The following VGLL1 variants were observed in gnomAD, a reference collection of about 807,000 sequenced individuals.
VGLL1 encodes transcription cofactor vestigial-like protein 1.
VGLL1 carries 4 observed loss-of-function variants against 12.0 expected under a neutral mutation model. The ratio of observed to expected loss-of-function variants is 0.33; its 90% confidence interval spans 0.16 to 0.76. The LOEUF (loss-of-function observed/expected upper bound fraction) is 0.76. Among genes scored for constraint, VGLL1 ranks in the 30% least tolerant of loss-of-function variants. The probability of loss-of-function intolerance (pLI) is 0.60; values close to 1 mark genes in which losing one functional copy is unlikely to be tolerated. For synonymous variants in VGLL1, 87 were observed against 81.2 expected (o/e 1.07, Z -0.39); for missense variants, 204 against 208.7 (o/e 0.98, Z 0.14).
At chrX:136,545,103 A>G (rs1391289751) in intron 2 of VGLL1, among the ~76,000 whole-genome samples, 1 of 112,341 alleles carries the variant, frequency 8.9e-6, no homozygotes, top group Non-Finnish European at 1.9e-5. Flanking sequence ...TTTTACATGG[A>G]TGGTCTCATT....
chrX:136,545,942 T>C (rs2075868574), intron 2 of VGLL1, among the ~76,000 whole-genome samples: 1 of 111,479 alleles, frequency 9.0e-6, no homozygotes, highest in Non-Finnish European at 1.9e-5. Context: ...ACCAACAGCA[T>C]CAGGAATTCT....
chrX:136,554,235 C>A (rs943485506), intron 4 of VGLL1, among the ~76,000 whole-genome samples: 1 of 111,124 alleles, frequency 9.0e-6, no homozygotes, highest in African/African-American at 3.3e-5. Context: ...ATAAAGTGTT[C>A]AAAGGAGGCC....
intron 2 of VGLL1, among the ~76,000 whole-genome samples, chrX:136,544,931 G>A (rs1056992297): frequency 2.7e-5 from 3 of 112,025 alleles, no homozygotes; most frequent in Non-Finnish European, 5.6e-5. Flanking sequence ...TAGGCCTCAT[G>A]CATTAATGAC....
chrX:136,535,706 A>G (rs2075837798), intron 1 of VGLL1, among the ~76,000 whole-genome samples: 4 of 111,132 alleles, frequency 3.6e-5, no homozygotes, highest in Admixed American at 2.9e-4. Flanking sequence ...CCACCTCCCC[A>G]TTTCCTGATG....
intron 4 of VGLL1, among the ~76,000 whole-genome samples, chrX:136,553,957 T>C (rs1410138926): frequency 8.9e-6 from 1 of 112,412 alleles, no homozygotes; most frequent in African/African-American, 3.2e-5. Context: ...TCGGTAGAAA[T>C]AGACATACTG....
intron 2 of VGLL1, among the ~76,000 whole-genome samples, chrX:136,548,361 CA>C (rs1220664397): frequency 9.0e-6 from 1 of 111,344 alleles, no homozygotes; most frequent in African/African-American, 3.3e-5. Flanking sequence ...GCTTGAATAA[CA>C]ATATATGTTG....
At chrX:136,555,126 G>A (rs1301673844) in intron 4 of VGLL1, among the ~76,000 whole-genome samples, 1 of 112,205 alleles carries the variant, frequency 8.9e-6, no homozygotes, top group African/African-American at 3.2e-5. Context: ...CCAGGGCAGT[G>A]TGGTACATAA....
chrX:136,544,249 G>C (rs1051864923), intron 2 of VGLL1, among the ~76,000 whole-genome samples: 1 of 112,047 alleles, frequency 8.9e-6, no homozygotes, highest in African/African-American at 3.2e-5. Flanking sequence ...CTAATCTTTC[G>C]CTATATTATA....
intron 1 of VGLL1, 105 bp from the exon 2 acceptor site, chrX:136,535,891 T>A: frequency 3.2e-6 from 2 of 626,942 alleles, no homozygotes; most frequent in Non-Finnish European, 5.0e-6. Flanking sequence ...TGAGCACGTG[T>A]ACCTGGTGGG....
intron 4 of VGLL1, among the ~76,000 whole-genome samples, chrX:136,553,620 T>G: frequency 8.9e-6 from 1 of 112,711 alleles, no homozygotes. Flanking sequence ...CCTCATGTTT[T>G]ATTCTTTATA....
At chrX:136,550,501 T>G (rs764610595) in intron 3 of VGLL1, 1 of 287,885 alleles carries the variant, frequency 3.5e-6, no homozygotes, top group East Asian at 6.5e-5. Flanking sequence ...GCTCTACTCA[T>G]GTTGACATGA....
intron 1 of VGLL1, among the ~76,000 whole-genome samples, chrX:136,535,201 G>A (rs2075836221): frequency 9.0e-6 from 1 of 111,523 alleles, no homozygotes. Context: ...CCAAGTTTAG[G>A]GCAGTTCAAT....
chrX:136,553,691 T>C (rs1430598763), intron 4 of VGLL1, among the ~76,000 whole-genome samples: 1 of 112,248 alleles, frequency 8.9e-6, no homozygotes, highest in East Asian at 2.8e-4. Flanking sequence ...AAATTTAGGT[T>C]GTTCTGAAAG....
intron 2 of VGLL1, among the ~76,000 whole-genome samples, chrX:136,543,909 G>A (rs755733206): frequency 8.9e-6 from 1 of 112,235 alleles, no homozygotes; most frequent in African/African-American, 3.2e-5. Context: ...GGAGCTTCAC[G>A]TGTCAAGTGG....
intron 2 of VGLL1, among the ~76,000 whole-genome samples, chrX:136,537,709 G>A (rs1482648544): frequency 3.6e-5 from 4 of 109,759 alleles, no homozygotes; most frequent in Non-Finnish European, 7.6e-5. Flanking sequence ...ACAGGTATGC[G>A]CCACCACACC....
chrX:136,536,329 T>A, intron 2 of VGLL1, 95 bp downstream of exon 2: 2 of 917,866 alleles, frequency 2.2e-6, no homozygotes, highest in South Asian at 2.3e-5. Flanking sequence ...TGGACACTTA[T>A]ATGTTTGCTA....
intron 4 of VGLL1, among the ~76,000 whole-genome samples, chrX:136,553,887 T>C (rs768899553): frequency 8.9e-6 from 1 of 112,235 alleles, no homozygotes; most frequent in South Asian, 3.7e-4. Context: ...AAAGACATTC[T>C]GGAGGTTAGT....
chrX:136,544,289 A>AT (rs1285539591), intron 2 of VGLL1, among the ~76,000 whole-genome samples: 3 of 112,491 alleles, frequency 2.7e-5, no homozygotes, highest in African/African-American at 9.7e-5. Flanking sequence ...TTGTGGGTAC[A>AT]TTTTTACATG....
intron 2 of VGLL1, among the ~76,000 whole-genome samples, chrX:136,547,452 C>T (rs1034177589): frequency 1.8e-5 from 2 of 112,163 alleles, no homozygotes; most frequent in African/African-American, 6.5e-5. Flanking sequence ...ACTAAGTCAC[C>T]TCTTGACCCT....
Sources: allele counts gnomAD v4.1 joint callset (sites outside exome capture counted in the v4.1 genomes callset), GRCh38; gene constraint gnomAD v4.1.1; transcripts MANE v1.5; gene names NCBI Gene and HGNC (gene_info 2026-07-23, HGNC 2026-07-21).